PIAS1: variants seen among roughly 807,000 people sequenced by gnomAD.
The protein encoded by PIAS1 is protein inhibitor of activated STAT 1, also known as E3 SUMO-protein ligase PIAS1.
PIAS1 carries 6 observed loss-of-function variants against 71.3 expected under a neutral mutation model. The ratio of observed to expected loss-of-function variants is 0.08; its 90% confidence interval spans 0.05 to 0.17. The LOEUF (loss-of-function observed/expected upper bound fraction) is 0.17, where lower values mean the gene tolerates loss of function less well. Among genes scored for constraint, PIAS1 ranks in the 10% least tolerant of loss-of-function variants. PIAS1 has a pLI of 1.00. For synonymous variants in PIAS1, 303 were observed against 292.9 expected, an observed-to-expected ratio of 1.03 and a Z score of -0.35; for missense variants, 555 against 793.6, an observed-to-expected ratio of 0.70 and a Z score of 3.61.
At chr15:68,060,408 T>C (rs1004114863) in intron 1 of PIAS1, among the ~76,000 whole-genome samples, 2 of 151,818 alleles carry the variant, frequency 1.3e-5, no homozygotes, top group East Asian at 3.9e-4. Context: ...AGGTCAGGAG[T>C]TCGAGACCAG....
At chr15:68,114,053 CACACACACTT>C (rs956533421) in intron 2 of PIAS1, among the ~76,000 whole-genome samples, 13 of 118,564 alleles carry the variant, frequency 1.1e-4, no homozygotes, top group East Asian at 2.0e-4. Flanking sequence ...CACACACACA[CACACACACTT>C]ATATACATGT....
chr15:68,097,948 A>G (rs540632017), intron 2 of PIAS1, among the ~76,000 whole-genome samples: 1 of 152,308 alleles, frequency 6.6e-6, no homozygotes, highest in Non-Finnish European at 1.5e-5. Flanking sequence ...TTTTTAATCA[A>G]TTCTGAATTT....
intron 2 of PIAS1, among the ~76,000 whole-genome samples, chr15:68,126,111 G>A (rs1338431322): frequency 6.6e-6 from 1 of 152,102 alleles, no homozygotes. Context: ...ACCAATTTTA[G>A]CCATTATATT....
At chr15:68,160,864 A>C (rs1020093981) in intron 7 of PIAS1, among the ~76,000 whole-genome samples, 3 of 152,220 alleles carry the variant, frequency 2.0e-5, no homozygotes, top group African/African-American at 7.2e-5. Flanking sequence ...CTAATGGTCT[A>C]AAACTTGAAT....
intron 1 of PIAS1, among the ~76,000 whole-genome samples, chr15:68,059,235 C>T (rs942526340): frequency 1.3e-5 from 2 of 151,894 alleles, no homozygotes; most frequent in African/African-American, 2.4e-5. Context: ...TCTCGATCTC[C>T]TGACCTTGTG....
chr15:68,100,883 GTTGTTGTTTTTGTTTTGT>G (rs2092417755), intron 2 of PIAS1, among the ~76,000 whole-genome samples: 1 of 129,600 alleles, frequency 7.7e-6, no homozygotes, highest in Admixed American at 8.7e-5. Flanking sequence ...ATTGTGTTTT[GTTGTTGTTTTTGTTTTGT>G]TTTTTTTTTT....
chr15:68,175,993 ATAAT>A (rs763325570), intron 10 of PIAS1, among the ~76,000 whole-genome samples: 1 of 152,344 alleles, frequency 6.6e-6, no homozygotes, highest in Non-Finnish European at 1.5e-5. Flanking sequence ...GTAATGTAAT[ATAAT>A]TAGTCATTTG....
At chr15:68,059,183 G>T in intron 1 of PIAS1, among the ~76,000 whole-genome samples, 1 of 151,266 alleles carries the variant, frequency 6.6e-6, no homozygotes. Flanking sequence ...TTTTTTGTAC[G>T]TTTTTAGTAG....
At chr15:68,146,197 A>G (rs373174453) in intron 5 of PIAS1, among the ~76,000 whole-genome samples, 11 of 152,248 alleles carry the variant, frequency 7.2e-5, no homozygotes, top group Non-Finnish European at 8.8e-5. Flanking sequence ...CTATAAGCCT[A>G]TGGTAGAATG....
At chr15:68,150,119 C>T (rs1168040317) in intron 6 of PIAS1, among the ~76,000 whole-genome samples, 1 of 151,608 alleles carries the variant, frequency 6.6e-6, no homozygotes, top group Non-Finnish European at 1.5e-5. Flanking sequence ...TTTTTAAAAT[C>T]CTTTTAAATA....
intron 2 of PIAS1, among the ~76,000 whole-genome samples, chr15:68,094,014 T>G (rs987831706): frequency 6.6e-6 from 1 of 152,206 alleles, no homozygotes; most frequent in Non-Finnish European, 1.5e-5. Flanking sequence ...AATTTGTGAT[T>G]AAACAAACTG....
chr15:68,066,804 A>AAT (rs2092033488), intron 1 of PIAS1, among the ~76,000 whole-genome samples: 1 of 152,170 alleles, frequency 6.6e-6, no homozygotes, highest in Admixed American at 6.6e-5. Context: ...TTAAAAAAAA[A>AAT]GTATAGTATT....
chr15:68,104,872 C>G (rs2092456601), intron 2 of PIAS1, among the ~76,000 whole-genome samples: 1 of 152,132 alleles, frequency 6.6e-6, no homozygotes. Context: ...TCCCACATTG[C>G]ATAGTGACAG....
At chr15:68,161,784 C>T (rs189259515) in intron 7 of PIAS1, among the ~76,000 whole-genome samples, 165 of 151,958 alleles carry the variant, frequency 1.1e-3, no homozygotes, top group Middle Eastern at 6.8e-3. Flanking sequence ...CAAAAATTAG[C>T]TGAGCCATGG....
intron 2 of PIAS1, among the ~76,000 whole-genome samples, chr15:68,093,442 C>CT (rs1207646992): frequency 9.8e-5 from 15 of 152,316 alleles, no homozygotes; most frequent in Non-Finnish European, 1.9e-4. Flanking sequence ...GGGCATTGGT[C>CT]TGGATGTTCT....
At chr15:68,102,075 T>A (rs1440128900) in intron 2 of PIAS1, among the ~76,000 whole-genome samples, 1 of 137,704 alleles carries the variant, frequency 7.3e-6, no homozygotes, top group Non-Finnish European at 1.5e-5. Flanking sequence ...ATTTGGAGAT[T>A]TTTTTTTCCT....
At chr15:68,083,871 TAACA>T (rs376335887) in intron 1 of PIAS1, among the ~76,000 whole-genome samples, 8 of 151,954 alleles carry the variant, frequency 5.3e-5, no homozygotes, top group African/African-American at 1.4e-4. Flanking sequence ...ATCTCTTAAA[TAACA>T]AACAAAACTA....
intron 2 of PIAS1, among the ~76,000 whole-genome samples, chr15:68,134,917 G>T: frequency 1.9e-5 from 1 of 51,994 alleles, no homozygotes; most frequent in East Asian, 4.9e-4. Context: ...AGCAGGGGTG[G>T]CTGGGCAGAG....
chr15:68,124,145 T>TG (rs2092633476), intron 2 of PIAS1, among the ~76,000 whole-genome samples: 1 of 152,170 alleles, frequency 6.6e-6, no homozygotes. Context: ...ATAATGATGG[T>TG]GGGAGGTTAT....
Sources: gnomAD v4.1 joint callset for allele counts (sites outside exome capture counted in the v4.1 genomes callset) on GRCh38, gnomAD v4.1.1 for gene constraint, MANE v1.5 for transcripts, NCBI Gene and HGNC (gene_info 2026-07-23, HGNC 2026-07-21) for gene names.